CLVS1: variants seen among roughly 807,000 people sequenced by gnomAD.
CLVS1 encodes clavesin 1, also known as clavesin-1.
In CLVS1, 10 loss-of-function variants were observed where a neutral mutation model predicts 33.1. The ratio of observed to expected loss-of-function variants is 0.30; its 90% CI spans 0.19 to 0.51. The LOEUF is 0.51. Ranked by LOEUF, CLVS1 falls within the 20% of genes least tolerant of loss-of-function variation. CLVS1 has a pLI of 0.97. For missense variants in CLVS1, 343 were observed against 433.4 expected (o/e 0.79, Z 1.85); for synonymous variants, 163 against 166.1 (o/e 0.98, Z 0.14).
At chr8:61,008,336 A>T in the CLVS1 span, among the ~76,000 whole-genome samples, 6 of 152,350 alleles carry the variant, frequency 3.9e-5, no homozygotes, top group East Asian at 1.2e-3. Context: ...GATAAAATGG[A>T]TCAAAACACA....
chr8:61,160,624 T>A (rs1806733961), intron 2 of CLVS1, among the ~76,000 whole-genome samples: 1 of 152,142 alleles, frequency 6.6e-6, no homozygotes, highest in South Asian at 2.1e-4. Context: ...TTAAGAGATT[T>A]TTTTTTTCCT....
chr8:61,290,457 A>G (rs148184681), intron 1 of CLVS1, among the ~76,000 whole-genome samples: 204 of 152,328 alleles, frequency 1.3e-3, no homozygotes, highest in African/African-American at 4.7e-3. Flanking sequence ...GTGTCATCAT[A>G]TATTTTTGTA....
At chr8:61,331,852 T>TCCTC (rs1563499949) in intron 2 of CLVS1, among the ~76,000 whole-genome samples, 1 of 141,636 alleles carries the variant, frequency 7.1e-6, no homozygotes, top group African/African-American at 3.0e-5. Flanking sequence ...TCCTCCTCCT[T>TCCTC]CTTCTTCTCC....
chr8:61,294,359 A>G (rs1810110216), intron 1 of CLVS1, among the ~76,000 whole-genome samples: 3 of 152,158 alleles, frequency 2.0e-5, no homozygotes, highest in Non-Finnish European at 4.4e-5. Flanking sequence ...AGACTATATA[A>G]TATCAAAGAC....
intron 1 of CLVS1, among the ~76,000 whole-genome samples, chr8:61,057,414 C>A (rs796708847): frequency 6.9e-6 from 1 of 144,766 alleles, no homozygotes; most frequent in Non-Finnish European, 1.5e-5. Flanking sequence ...ACACACACAC[C>A]CCATCCAAGG....
chr8:61,228,639 C>G (rs933661419), intron 2 of CLVS1, among the ~76,000 whole-genome samples: 1 of 152,148 alleles, frequency 6.6e-6, no homozygotes, highest in Admixed American at 6.5e-5. Flanking sequence ...TAAATGAGAT[C>G]ACACTGTATT....
chr8:61,384,355 A>T (rs1019804940), intron 3 of CLVS1, among the ~76,000 whole-genome samples: 13 of 152,338 alleles, frequency 8.5e-5, no homozygotes, highest in Non-Finnish European at 1.6e-4. Context: ...GGTGGCTATG[A>T]GCAGGGAGGG....
At chr8:61,456,215 A>C (rs1817150630) in intron 4 of CLVS1, among the ~76,000 whole-genome samples, 1 of 152,062 alleles carries the variant, frequency 6.6e-6, no homozygotes, top group African/African-American at 2.4e-5. Context: ...GCATTCCTCC[A>C]TTCCACAAGA....
At chr8:60,992,559 G>A in the CLVS1 span, among the ~76,000 whole-genome samples, 2 of 152,166 alleles carry the variant, frequency 1.3e-5, no homozygotes, top group Non-Finnish European at 2.9e-5. Flanking sequence ...TTGTACTGGA[G>A]AGAAAAAACC....
the CLVS1 span, among the ~76,000 whole-genome samples, chr8:61,047,090 A>G: frequency 5.8e-4 from 89 of 152,344 alleles, no homozygotes; most frequent in East Asian, 0.017. Context: ...GAATGCTTCC[A>G]GTTTTTGACA....
intron 2 of CLVS1, among the ~76,000 whole-genome samples, chr8:61,139,276 A>G (rs1162180444): frequency 1.3e-5 from 2 of 152,044 alleles, no homozygotes; most frequent in Non-Finnish European, 2.9e-5. Context: ...GAACCGCAGG[A>G]CCCCAGCTCC....
chr8:61,091,859 A>C (rs1359024917), intron 1 of CLVS1, among the ~76,000 whole-genome samples: 1 of 152,260 alleles, frequency 6.6e-6, no homozygotes, highest in Non-Finnish European at 1.5e-5. Context: ...TGATAGGAAA[A>C]TAATGCCATG....
chr8:61,103,072 G>T (rs116953064), intron 1 of CLVS1, among the ~76,000 whole-genome samples: 1 of 152,038 alleles, frequency 6.6e-6, no homozygotes, highest in Non-Finnish European at 1.5e-5. Context: ...TATGTAAGGC[G>T]GACAGCTTTA....
In CLVS1 at chr8:61,255,575, C is replaced by G. The variant is rs116405082; in HGVS notation, c.-151-44102C>G. Among the ~76,000 whole-genome samples, 1,210 of 152,220 alleles carry G rather than the reference C, an allele frequency of 7.9e-3. 18 individuals are homozygous for G. The highest frequency in any genetic ancestry group is 0.026 in the African/African-American group (1,063 of 41,532). On this transcript the variant is annotated intron_variant, in intron 2 of 2. Coordinates refer to the CLVS1 transcript ENST00000522621. ...GCCATCAATAAGTGTTATTCTATCT[C>G]CTTTATGAGCTTCTCATTATCATCA... is the stretch of plus-strand genomic sequence containing the variant.
chr8:61,498,143 T>C (rs570008023), intron 5 of CLVS1, among the ~76,000 whole-genome samples: 2 of 152,342 alleles, frequency 1.3e-5, no homozygotes, highest in Non-Finnish European at 2.9e-5. Flanking sequence ...CTATTTAAGA[T>C]GGAGTTGCTC....
chr8:61,268,160 A>T (rs1179988746), intron 2 of CLVS1, among the ~76,000 whole-genome samples: 35 of 50,480 alleles, frequency 6.9e-4, no homozygotes, highest in South Asian at 1.6e-3. Context: ...GTGCTATCCC[A>T]CCCCCCTCCC....
At chr8:61,434,528 G>A (rs1816241394) in intron 3 of CLVS1, among the ~76,000 whole-genome samples, 1 of 152,082 alleles carries the variant, frequency 6.6e-6, no homozygotes, top group Non-Finnish European at 1.5e-5. Flanking sequence ...TTAGGGAGGA[G>A]GCATGAGACA....
intron 1 of CLVS1, among the ~76,000 whole-genome samples, chr8:61,129,038 T>C (rs1436323400): frequency 1.3e-5 from 2 of 152,258 alleles, no homozygotes; most frequent in Non-Finnish European, 2.9e-5. Flanking sequence ...TCACCGAGTC[T>C]TATTTCCACA....
At chr8:60,991,744 CTTT>C in the CLVS1 span, among the ~76,000 whole-genome samples, 5 of 118,952 alleles carry the variant, frequency 4.2e-5, no homozygotes, top group African/African-American at 9.9e-5. Flanking sequence ...AAGCCCCACT[CTTT>C]TTTTTTTTTT....
Sources: allele counts gnomAD v4.1 joint callset (sites outside exome capture counted in the v4.1 genomes callset), GRCh38; gene constraint gnomAD v4.1.1; transcripts MANE v1.5; gene names NCBI Gene and HGNC (gene_info 2026-07-23, HGNC 2026-07-21).